CPA6: variants seen among roughly 807,000 people sequenced by gnomAD.
CPA6 encodes the protein carboxypeptidase A6, also known as carboxypeptidase B.
In CPA6, 58 loss-of-function variants were observed where a neutral mutation model predicts 63.3. The observed-to-expected ratio is 0.92, with a 90% CI of 0.74 to 1.14. CPA6 has a LOEUF of 1.14. CPA6 is among the 50% of genes most tolerant of loss of function. The pLI, the probability that CPA6 is intolerant of heterozygous loss-of-function variation, is 0.00. For synonymous variants in CPA6, 185 were observed against 179.0 expected, an observed-to-expected ratio of 1.03 and a Z score of -0.27; for missense variants, 565 against 526.6, an observed-to-expected ratio of 1.07 and a Z score of -0.71.
intron 2 of CPA6, among the ~76,000 whole-genome samples, chr8:67,608,158 AC>A (rs1219844064): frequency 6.6e-6 from 1 of 152,194 alleles, no homozygotes; most frequent in Non-Finnish European, 1.5e-5. Flanking sequence ...TCTGATACAG[AC>A]AGGAGGCAGG....
intron 1 of CPA6, among the ~76,000 whole-genome samples, chr8:67,704,488 A>C (rs546095105): frequency 3.7e-4 from 57 of 152,366 alleles, no homozygotes; most frequent in African/African-American, 1.3e-3. Flanking sequence ...AGGCCAGCTG[A>C]AGGCTGCAGG....
intron 2 of CPA6, among the ~76,000 whole-genome samples, chr8:67,597,548 T>G (rs1263055809): frequency 2.0e-5 from 3 of 152,182 alleles, no homozygotes; most frequent in African/African-American, 7.2e-5. Context: ...TTATTTATGC[T>G]TCTCTCTGGG....
chr8:67,744,843 C>T (rs1281448310), intron 1 of CPA6, among the ~76,000 whole-genome samples: 3 of 152,222 alleles, frequency 2.0e-5, no homozygotes, highest in South Asian at 4.2e-4. Context: ...AATCCGTGAT[C>T]ATATTGCCAT....
At position 67,549,360 on chromosome 8, in the gene CPA6, C is replaced by T. The variant is rs182823462; in HGVS notation, c.193-31313G>A. ...AATCATTTATTTTCCTTTTAAACCA[C>T]GTTGAGGTATGATTGACATATAAAA... On this transcript the variant is annotated intron_variant, in intron 2 of 10. Coordinates refer to ENST00000297770, the MANE Select transcript of CPA6 (RefSeq NM_020361.5). 9.9e-5 allele frequency among the ~76,000 whole-genome samples: 15 copies of T among 152,232 alleles called. No homozygotes were observed. In the East Asian group the frequency reaches 1.9e-3, roughly 20 times the overall value.
intron 2 of CPA6, among the ~76,000 whole-genome samples, chr8:67,579,650 T>C (rs1813715421): frequency 6.6e-6 from 1 of 152,220 alleles, no homozygotes; most frequent in Non-Finnish European, 1.5e-5. Flanking sequence ...AGAAAGACTT[T>C]TAAGTTGGGG....
intron 1 of CPA6, among the ~76,000 whole-genome samples, chr8:67,680,630 C>T (rs778845161): frequency 3.3e-5 from 5 of 152,124 alleles, no homozygotes; most frequent in Admixed American, 6.5e-5. Flanking sequence ...GGTATTCAGA[C>T]ATGCTCTGCC....
intron 1 of CPA6, among the ~76,000 whole-genome samples, chr8:67,633,497 T>C (rs1456572218): frequency 2.0e-5 from 3 of 152,038 alleles, no homozygotes; most frequent in South Asian, 4.1e-4. Context: ...ATGGCTAACA[T>C]GGTGAAACCT....
intron 1 of CPA6, among the ~76,000 whole-genome samples, chr8:67,727,229 T>C (rs921911564): frequency 1.3e-5 from 2 of 152,182 alleles, no homozygotes; most frequent in Non-Finnish European, 2.9e-5. Flanking sequence ...CCCCCAGATA[T>C]AGTTAACTAT....
At chr8:67,699,380 C>T (rs1341531596) in intron 1 of CPA6, among the ~76,000 whole-genome samples, 1 of 151,932 alleles carries the variant, frequency 6.6e-6, no homozygotes, top group Admixed American at 6.6e-5. Context: ...TTGCAGTGAG[C>T]CCAGATCACC....
At chr8:67,731,547 C>T (rs1372923012) in intron 1 of CPA6, among the ~76,000 whole-genome samples, 1 of 152,260 alleles carries the variant, frequency 6.6e-6, no homozygotes, top group African/African-American at 2.4e-5. Flanking sequence ...CAGAAAATGC[C>T]CCCATTCTGA....
At chr8:67,728,137 CA>C (rs1817635651) in intron 1 of CPA6, among the ~76,000 whole-genome samples, 1 of 15,574 alleles carries the variant, frequency 6.4e-5, no homozygotes, top group African/African-American at 1.6e-4. Flanking sequence ...AAAAAACAAA[CA>C]AAACAAAACA....
chr8:67,593,082 G>A (rs1229159130), intron 2 of CPA6, among the ~76,000 whole-genome samples: 4 of 149,582 alleles, frequency 2.7e-5, no homozygotes, highest in Admixed American at 2.7e-4. Flanking sequence ...CTGGTATGTT[G>A]TGTCTTTGTT....
chr8:67,467,084 G>T (rs1188581957), intron 8 of CPA6, among the ~76,000 whole-genome samples: 1 of 152,066 alleles, frequency 6.6e-6, no homozygotes, highest in African/African-American at 2.4e-5. Context: ...ACATTGCCTT[G>T]TTCAACATTT....
intron 2 of CPA6, among the ~76,000 whole-genome samples, chr8:67,524,507 A>T (rs1456698833): frequency 6.6e-6 from 1 of 151,998 alleles, no homozygotes; most frequent in African/African-American, 2.4e-5. Flanking sequence ...ACATCACTCC[A>T]GTTTATGCCT....
chr8:67,663,029 G>T (rs893754365), intron 1 of CPA6, among the ~76,000 whole-genome samples: 1 of 152,158 alleles, frequency 6.6e-6, no homozygotes, highest in African/African-American at 2.4e-5. Context: ...TGGTGACAGA[G>T]CCCATTTCCT....
intron 2 of CPA6, among the ~76,000 whole-genome samples, chr8:67,538,138 G>T (rs1812626855): frequency 1.3e-5 from 2 of 152,210 alleles, no homozygotes; most frequent in Admixed American, 6.5e-5. Context: ...ATGTGACGTG[G>T]TGCTGAGAAG....
chr8:67,555,984 T>A (rs1002937093), intron 2 of CPA6, among the ~76,000 whole-genome samples: 1 of 152,188 alleles, frequency 6.6e-6, no homozygotes, highest in African/African-American at 2.4e-5. Context: ...AGTGTGTAGT[T>A]CCATCTTGCT....
At chr8:67,622,519 A>G (rs1815105609) in intron 2 of CPA6, among the ~76,000 whole-genome samples, 1 of 152,176 alleles carries the variant, frequency 6.6e-6, no homozygotes, top group South Asian at 2.1e-4. Context: ...GGCCCTTGTA[A>G]TGAGACACCA....
intron 8 of CPA6, among the ~76,000 whole-genome samples, chr8:67,467,919 G>T (rs985443908): frequency 2.0e-5 from 3 of 149,392 alleles, no homozygotes; most frequent in African/African-American, 5.0e-5. Flanking sequence ...TTAGCCAGGT[G>T]TGGTGGCAGG....
Sources: allele counts gnomAD v4.1 joint callset (sites outside exome capture counted in the v4.1 genomes callset), GRCh38; gene constraint gnomAD v4.1.1; transcripts MANE v1.5; gene names NCBI Gene and HGNC (gene_info 2026-07-23, HGNC 2026-07-21).